Variants in MYB observed in about 807,000 individuals in gnomAD.
The protein encoded by MYB is transcriptional activator Myb.
MYB carries 28 observed loss-of-function variants against 92.9 expected under a neutral mutation model. That is an observed-to-expected ratio of 0.30 (90% CI 0.22 to 0.41). The LOEUF is 0.41. MYB is among the 10% of genes least tolerant of loss of function. MYB has a pLI of 1.00. For missense variants in MYB, 679 were observed against 929.3 expected, an observed-to-expected ratio of 0.73 and a Z score of 3.50; for synonymous variants, 295 against 329.1, an observed-to-expected ratio of 0.90 and a Z score of 1.12.
intron 15 of MYB, among the ~76,000 whole-genome samples, chr6:135,206,679 G>GA (rs1487641426): frequency 6.6e-6 from 1 of 152,064 alleles, no homozygotes; most frequent in Non-Finnish European, 1.5e-5. Context: ...CTAGGCAATA[G>GA]AGTGAGACTC....
rs17064293 is a variant in MYB, at chr6:135,200,284, G to A, written c.1825-6G>A. The A allele has an allele frequency of 5.1e-5, 83 of 1,613,742 alleles. No individual in the cohort carries two copies. Among genetic ancestry groups the A allele is most frequent in the South Asian group, 2.5e-4 (23 of 91,076 alleles). On this transcript the variant is annotated splice_region_variant and splice_polypyrimidine_tract_variant and intron_variant, in intron 12 of 15. Coordinates refer to ENST00000341911, the MANE Select transcript of MYB (RefSeq NM_001130173.2). ...CTGATGCAAAAATACCCACTCTTCC[G>A]TTTAGCCTCAGACACCCTCTCATCT...
chr6:135,181,894 C>G lies in MYB; in HGVS notation c.23+358C>G, dbSNP rs1775108583. On this transcript the variant is annotated intron_variant, in intron 1 of 15. Transcript: ENST00000341911. The surrounding 1 kb of genome is among the most constrained non-coding windows in gnomAD (Gnocchi z 5.3). Reference sequence around the variant, plus strand: ...GTGCCTGGCTTGATGCCGCGGGTGTCGGCGAGGGATCCGCAGCGTAATTGC... The same window carrying G: ...GTGCCTGGCTTGATGCCGCGGGTGTGGGCGAGGGATCCGCAGCGTAATTGC... 6.6e-6 allele frequency among the ~76,000 whole-genome samples: 1 copy of G among 152,180 alleles called. No individual in the cohort carries two copies. Among genetic ancestry groups the G allele is most frequent in the Admixed American group, 6.5e-5 (1 of 15,288 alleles).
rs963252355 is a variant in MYB at position 135,192,523 on chromosome 6, G to A, written c.727G>A (p.Asp243Asn). The change falls in exon 6 of 16, where the codon GAC becomes AAC. Residue 243 changes from aspartate to asparagine, a missense_variant. Physicochemically the swap from Asp to Asn is conservative, Grantham distance 23. Transcript: ENST00000341911. ...CACTGGCCAGCCCACTGTTAACAAC[G>A]ACTATTCCTATTACCACATTTCTGA... ...PATGQPTVNN[D>N]YSYYHISEAQ... The A allele has an allele frequency of 5.0e-6, 8 of 1,614,084 alleles. No individual in the cohort carries two copies. The highest frequency in any genetic ancestry group is 1.1e-5 in the South Asian group (1 of 91,082).
rs2128289851 is a variant in MYB, at chr6:135,190,307, G to A, written c.487G>A (p.Gly163Arg). 1 of 1,614,178 alleles carries A rather than the reference G, an allele frequency of 6.2e-7. No homozygotes were observed. The highest frequency in any genetic ancestry group is 1.3e-5 in the African/African-American group (1 of 75,048). Reference protein sequence around the residue: ...RIIYQAHKRLGNRWAEIAKLL... With the variant: ...RIIYQAHKRLRNRWAEIAKLL... The stretch of plus-strand genomic sequence containing the variant: ...TATTTACCAGGCACACAAGAGACTG[G>A]GGAACAGATGGGCAGAAATCGCAAA... The change falls in exon 5 of 16, where the codon GGG becomes AGG. Residue 163 changes from glycine (G) to arginine (R), a missense_variant. By Grantham distance (125) the Gly-to-Arg change is moderately radical (BLOSUM62 -2). Around this residue, in one of 8 missense-constraint regions of MYB, gnomAD observed 37 missense variants for 98.0 expected, o/e 0.38. Coordinates refer to ENST00000341911, the MANE Select transcript of MYB (RefSeq NM_001130173.2). The surrounding 1 kb of genome is among the most constrained non-coding windows in gnomAD (Gnocchi z 4.5).
At chr6:135,212,680 T>C (rs537669274) in intron 15 of MYB, among the ~76,000 whole-genome samples, 1 of 152,246 alleles carries the variant, frequency 6.6e-6, no homozygotes, top group South Asian at 2.1e-4. Context: ...TGAATTATGA[T>C]AGAGTGACAT....
chr6:135,199,592 AT>A, intron 11 of MYB: 1 of 1,018,394 alleles, frequency 9.8e-7, no homozygotes, highest in Non-Finnish European at 1.2e-6. Flanking sequence ...GTAAGCAGTC[AT>A]TTTTATTCAA....
Position 135,181,468 on chromosome 6 carries a change from G to A in MYB, c.-46G>A. On this transcript the variant is annotated 5_prime_UTR_variant, in exon 1 of 16. Transcript: ENST00000341911. The surrounding 1 kb of genome is among the most constrained non-coding windows in gnomAD (Gnocchi z 5.3). ...GGCGGGCAGCGGGAGGCGGCAGCCC[G>A]GTGCGGTCCCCGCGGCTCTCGGCGG... 1.8e-6 allele frequency: 2 copies of A among 1,114,332 alleles called. No homozygotes were observed. The highest frequency in any genetic ancestry group is 2.2e-6 in the Non-Finnish European group (2 of 912,416). The allele number at this position is 1,114,332 out of a possible 1,614,324, so 69.0% of individuals were successfully genotyped here.
Position 135,192,044 on chromosome 6 carries a change from C to T in MYB, c.528-280C>T, listed in dbSNP as rs577949880. 7.2e-5 allele frequency among the ~76,000 whole-genome samples: 11 copies of T among 152,124 alleles called. No homozygotes were observed. The South Asian group carries it at 1.2e-3, about 17-fold the overall frequency. On this transcript the variant is annotated intron_variant, in intron 5 of 15. Transcript: ENST00000341911. ...GGTCAGAATAAACATGAAGCGTTAT[C>T]GTATTGAAAATACTCCTTTACCAAG... is the stretch of plus-strand genomic sequence containing the variant.
chr6:135,196,022 G>T lies in MYB; in HGVS notation c.1203+20G>T, dbSNP rs766198539. 1.2e-6 allele frequency: 2 copies of T among 1,604,590 alleles called. No homozygotes were observed. The highest frequency in any genetic ancestry group is 1.7e-6 in the Non-Finnish European group (2 of 1,172,882). On this transcript the variant is annotated intron_variant, in intron 9 of 15. Coordinates refer to ENST00000341911, the MANE Select transcript of MYB (RefSeq NM_001130173.2). Reference sequence around the variant, plus strand: ...GATTCTGTAAGTAGAATTGTGAAGGGAAGTTAACGATTCTGGAAGATAAAT... The same window carrying T: ...GATTCTGTAAGTAGAATTGTGAAGGTAAGTTAACGATTCTGGAAGATAAAT...
At chr6:135,213,236 G>A (rs1169611013) in intron 15 of MYB, among the ~76,000 whole-genome samples, 7 of 152,088 alleles carry the variant, frequency 4.6e-5, no homozygotes, top group African/African-American at 1.7e-4. Flanking sequence ...GAGCTTCAGG[G>A]GATATATGAC....
intron 15 of MYB, among the ~76,000 whole-genome samples, chr6:135,216,642 G>C (rs559407677): frequency 6.6e-6 from 1 of 152,322 alleles, no homozygotes; most frequent in Admixed American, 6.5e-5. Context: ...GGAACCCACA[G>C]ATATGGGACC....
At chr6:135,214,356 T>A (rs1780149968) in intron 15 of MYB, among the ~76,000 whole-genome samples, 1 of 152,160 alleles carries the variant, frequency 6.6e-6, no homozygotes, top group African/African-American at 2.4e-5. Flanking sequence ...TAATAGGCCA[T>A]TTTAAAGACT....
rs139146517 is a variant in MYB at position 135,202,921 on chromosome 6, GC to G, written c.2062-295del. On this transcript the variant is annotated intron_variant, in intron 14 of 15. Transcript: ENST00000341911. ...CTTAGTAAATCTTCTATTTTGAAAG[GC>G]ATGTATTTATTAATTCATTTAGCAG... 4.2e-3 allele frequency: 2,572 copies of G among 615,694 alleles called. 55 individuals carry two copies. Among genetic ancestry groups the G allele is most frequent in the African/African-American group, 0.041 (2,296 of 55,572 alleles). The allele number at this position is 615,694 out of a possible 1,614,324, so 38.1% of individuals were successfully genotyped here.
intron 15 of MYB, among the ~76,000 whole-genome samples, chr6:135,216,143 C>T (rs977927955): frequency 2.0e-5 from 3 of 152,094 alleles, no homozygotes; most frequent in African/African-American, 7.2e-5. Context: ...GGGCACTGTG[C>T]TTTATGCTGG....
chr6:135,184,580 A>C (rs1345733120), intron 1 of MYB, among the ~76,000 whole-genome samples: 4 of 152,084 alleles, frequency 2.6e-5, no homozygotes, highest in African/African-American at 7.2e-5. Context: ...TTGTTGCTTA[A>C]AATAATAGCT....
chr6:135,191,543 G>A (rs1776624850), intron 5 of MYB, among the ~76,000 whole-genome samples: 1 of 152,144 alleles, frequency 6.6e-6, no homozygotes, highest in South Asian at 2.1e-4. Flanking sequence ...TGGCCTGAGA[G>A]GATACACTGC....
chr6:135,187,748 C>T, intron 2 of MYB, 86 bp from the exon 3 acceptor site: 1 of 809,156 alleles, frequency 1.2e-6, no homozygotes, highest in Non-Finnish European at 2.0e-6. Flanking sequence ...ACTTTTTATT[C>T]TAGATTCGTT....
intron 13 of MYB, 112 bp from the exon 14 acceptor site, chr6:135,201,527 A>G (rs1038716952): frequency 5.1e-6 from 3 of 584,934 alleles, no homozygotes; most frequent in Non-Finnish European, 8.6e-6. Context: ...AGTGTAAGTT[A>G]GCAACATAGT....
At chr6:135,212,224 CTTTTTTTTTT>C (rs545704827) in intron 15 of MYB, among the ~76,000 whole-genome samples, 81 of 32,890 alleles carry the variant, frequency 2.5e-3, no homozygotes, top group African/African-American at 3.2e-3. Context: ...TTTGGTTTTA[CTTTTTTTTTT>C]TTTTTTTTTT....
Sources: gnomAD v4.1 joint callset for allele counts (sites outside exome capture counted in the v4.1 genomes callset) on GRCh38, gnomAD v4.1.1 for gene constraint, gnomAD v4.1.1 regional missense constraint, Gnocchi (gnomAD v3.1) non-coding constraint, MANE v1.5 for transcripts, NCBI Gene and HGNC (gene_info 2026-07-23, HGNC 2026-07-21) for gene names.